Variants in DPP10 observed in about 807,000 individuals in gnomAD.
DPP10 encodes the protein dipeptidyl peptidase like 10, also known as inactive dipeptidyl peptidase 10.
A neutral mutation model predicts 120.9 loss-of-function variants in DPP10; 33 were observed. The ratio of observed to expected loss-of-function variants is 0.27; its 90% CI spans 0.21 to 0.37. The LOEUF (loss-of-function observed/expected upper bound fraction) is 0.37, where lower values mean the gene tolerates loss of function less well. DPP10 is among the 10% of genes least tolerant of loss of function. The pLI is 1.00. For missense variants in DPP10, 816 were observed against 942.8 expected (o/e 0.87, Z 1.76); for synonymous variants, 337 against 326.1 (o/e 1.03, Z -0.36).
At chr2:114,804,320 G>C (rs1011978405) in intron 1 of DPP10, among the ~76,000 whole-genome samples, 6 of 152,352 alleles carry the variant, frequency 3.9e-5, no homozygotes, top group Admixed American at 3.9e-4. Flanking sequence ...AGTGCAGAAG[G>C]GAAATGTGGG....
chr2:115,246,368 G>T (rs1246010601), intron 1 of DPP10, among the ~76,000 whole-genome samples: 1 of 152,150 alleles, frequency 6.6e-6, no homozygotes, highest in Non-Finnish European at 1.5e-5. Flanking sequence ...TCTGGTACAT[G>T]AAGACAAACT....
At chr2:114,536,924 C>G in intron 1 of DPP10, among the ~76,000 whole-genome samples, 1 of 152,164 alleles carries the variant, frequency 6.6e-6, no homozygotes, top group East Asian at 1.9e-4. Context: ...TAAGTTCACC[C>G]AAGTTTTAGC....
intron 1 of DPP10, among the ~76,000 whole-genome samples, chr2:115,033,096 C>T (rs1402968548): frequency 3.3e-5 from 5 of 152,192 alleles, no homozygotes; most frequent in Middle Eastern, 3.4e-3. Context: ...CTGTTCTTCA[C>T]GAGTTTTATT....
At chr2:115,408,462 A>G (rs958781139) in intron 3 of DPP10, among the ~76,000 whole-genome samples, 1 of 152,054 alleles carries the variant, frequency 6.6e-6, no homozygotes. Context: ...CTCTGTCACT[A>G]TCAACCAACT....
intron 4 of DPP10, among the ~76,000 whole-genome samples, chr2:115,520,435 T>A (rs2077737534): frequency 2.0e-5 from 3 of 152,164 alleles, no homozygotes; most frequent in Admixed American, 2.0e-4. Context: ...TACATTTTTG[T>A]CTCCATCATT....
At chr2:114,779,311 T>C (rs1390892193) in intron 1 of DPP10, among the ~76,000 whole-genome samples, 1 of 152,142 alleles carries the variant, frequency 6.6e-6, no homozygotes, top group East Asian at 1.9e-4. Context: ...TCTTCTGAGA[T>C]TTTCTGTCTG....
intron 1 of DPP10, among the ~76,000 whole-genome samples, chr2:114,521,179 A>C (rs1685016444): frequency 6.6e-6 from 1 of 152,104 alleles, no homozygotes; most frequent in African/African-American, 2.4e-5. Context: ...TAGTTGCAAA[A>C]GACATAAAAT....
At chr2:115,420,001 T>G (rs1169707079) in intron 3 of DPP10, among the ~76,000 whole-genome samples, 1 of 152,120 alleles carries the variant, frequency 6.6e-6, no homozygotes, top group East Asian at 1.9e-4. Flanking sequence ...GGAAAAAATG[T>G]GTTATGGAAG....
intron 1 of DPP10, among the ~76,000 whole-genome samples, chr2:114,447,970 T>A (rs1334249860): frequency 6.6e-6 from 1 of 152,206 alleles, no homozygotes; most frequent in African/African-American, 2.4e-5. Context: ...TAAACAAGAA[T>A]AGGACCATCT....
intron 1 of DPP10, among the ~76,000 whole-genome samples, chr2:115,185,556 TTTA>T (rs1443318762): frequency 6.6e-6 from 1 of 152,138 alleles, no homozygotes; most frequent in Non-Finnish European, 1.5e-5. Context: ...GTACCTAAAA[TTTA>T]TTATTGTTAA....
intron 5 of DPP10, among the ~76,000 whole-genome samples, chr2:115,682,298 GTTAA>G (rs1414465285): frequency 6.6e-6 from 1 of 151,886 alleles, no homozygotes; most frequent in Non-Finnish European, 1.5e-5. Context: ...GCTTATTTGT[GTTAA>G]TTAATGAGGA....
At chr2:114,721,592 T>C (rs1300656752) in intron 1 of DPP10, among the ~76,000 whole-genome samples, 1 of 152,188 alleles carries the variant, frequency 6.6e-6, no homozygotes, top group Non-Finnish European at 1.5e-5. Context: ...ATCTTACCTC[T>C]TGGTCCTTAG....
At chr2:114,901,183 G>GT (rs1020940630) in intron 1 of DPP10, among the ~76,000 whole-genome samples, 2 of 151,792 alleles carry the variant, frequency 1.3e-5, no homozygotes, top group Non-Finnish European at 2.9e-5. Context: ...AACTCGTTTT[G>GT]TTTTTTTGTT....
chr2:115,263,800 T>A (rs2105767591), intron 1 of DPP10, among the ~76,000 whole-genome samples: 1 of 152,348 alleles, frequency 6.6e-6, no homozygotes, highest in African/African-American at 2.4e-5. Context: ...TATATACATG[T>A]TAGATAGCGT....
chr2:115,143,309 T>C (rs747800010), intron 1 of DPP10, among the ~76,000 whole-genome samples: 1 of 152,134 alleles, frequency 6.6e-6, no homozygotes, highest in Non-Finnish European at 1.5e-5. Flanking sequence ...AGAAAAGCAA[T>C]AGCCCCTTTC....
intron 1 of DPP10, among the ~76,000 whole-genome samples, chr2:114,678,327 T>A (rs1274488959): frequency 1.3e-5 from 2 of 152,076 alleles, no homozygotes; most frequent in Non-Finnish European, 2.9e-5. Context: ...ATTGCTATTG[T>A]TTGATTTTCC....
chr2:115,133,177 A>ATTTT (rs1559132058), intron 1 of DPP10, among the ~76,000 whole-genome samples: 16 of 100,194 alleles, frequency 1.6e-4, no homozygotes, highest in African/African-American at 5.2e-4. Context: ...ATATATATAT[A>ATTTT]GTTTTTTTTT....
intron 3 of DPP10, among the ~76,000 whole-genome samples, chr2:115,431,051 A>T (rs1285987574): frequency 6.6e-6 from 1 of 152,232 alleles, no homozygotes; most frequent in Non-Finnish European, 1.5e-5. Flanking sequence ...TTCTTAAGAG[A>T]ATAAAAATCA....
chr2:115,011,230 C>T (rs1158561458), intron 1 of DPP10, among the ~76,000 whole-genome samples: 1 of 152,126 alleles, frequency 6.6e-6, no homozygotes, highest in Non-Finnish European at 1.5e-5. Context: ...TTTGGGTGCC[C>T]TTAAAAATAG....
Sources: gnomAD v4.1 joint callset for allele counts (sites outside exome capture counted in the v4.1 genomes callset) on GRCh38, gnomAD v4.1.1 for gene constraint, MANE v1.5 for transcripts, NCBI Gene and HGNC (gene_info 2026-07-23, HGNC 2026-07-21) for gene names.